Variants in TECR observed in about 807,000 individuals in gnomAD.
The protein encoded by TECR is very-long-chain enoyl-CoA reductase.
In TECR, 19 loss-of-function variants were observed where a neutral mutation model predicts 50.6. The observed-to-expected ratio is 0.38, with a 90% CI of 0.26 to 0.55. The LOEUF (loss-of-function observed/expected upper bound fraction) is 0.55, where lower values mean the gene tolerates loss of function less well. Among genes scored for constraint, TECR ranks in the 20% least tolerant of loss-of-function variants. TECR has a pLI of 0.79. For synonymous variants in TECR, 168 were observed against 163.5 expected (o/e 1.03, Z -0.21); for missense variants, 313 against 408.3 (o/e 0.77, Z 2.01).
chr19:14,538,756 C>T (rs1431508140), intron 1 of TECR, among the ~76,000 whole-genome samples: 2 of 151,824 alleles, frequency 1.3e-5, no homozygotes, highest in African/African-American at 2.4e-5. Context: ...TGGTCTTGAA[C>T]TCCTGACCTC....
At chr19:14,555,748 A>C (rs1359610307) in intron 1 of TECR, among the ~76,000 whole-genome samples, 1 of 151,998 alleles carries the variant, frequency 6.6e-6, no homozygotes, top group East Asian at 1.9e-4. Context: ...GACACAGCTA[A>C]TTTTTATAAA....
rs1241267333 is a variant in TECR, at chr19:14,563,431, C to T, written c.118+174C>T. 7 of 814,466 alleles carry T rather than the reference C, an allele frequency of 8.6e-6. No individual in the cohort carries two copies. Among genetic ancestry groups the T allele is most frequent in the South Asian group, 6.2e-5 (4 of 64,748 alleles). 50.5% of individuals were successfully genotyped at this position (814,466 alleles called of 1,614,324 possible). A position where few individuals can be genotyped will look rare whatever the true frequency, so the allele number is the denominator to read the frequency against. On this transcript the variant is annotated intron_variant, in intron 3 of 12. Coordinates refer to ENST00000215567, the MANE Select transcript of TECR (RefSeq NM_138501.6). This position sits in a 1 kb window ranked among gnomAD's most constrained non-coding sequence, Gnocchi z 5.3. ...GCCTCCACGTGGCACTCCGCAGGAA[C>T]GCCCTTGCTAGGCTCTGGGAAGGAC...
rs1169742953 is a variant in TECR at position 14,543,419 on chromosome 19, ATTTTTTTTTTTTTTTTTTTTTTTTT to A, written c.15+13721_15+13745del. Among the ~76,000 whole-genome samples, 55 of 21,888 alleles carry A rather than the reference ATTTTTTTTTTTTTTTTTTTTTTTTT, an allele frequency of 2.5e-3. 1 individual carries two copies. The South Asian group carries it at 0.037, about 15-fold the overall frequency. The allele number at this position is 21,888 out of a possible 152,430, so 14.4% of individuals were successfully genotyped here. A position where few individuals can be genotyped will look rare whatever the true frequency, so the allele number is the denominator to read the frequency against. ...TATATATATATATATATATATATAT[ATTTTTTTTTTTTTTTTTTTTTTTTT>A]TTTTTTTTTTTTGAGACGGAGTCTC... On this transcript the variant is annotated intron_variant, in intron 1 of 12. Coordinates refer to ENST00000215567, the MANE Select transcript of TECR (RefSeq NM_138501.6).
intron 1 of TECR, chr19:14,530,138 C>T (rs765383436): frequency 2.2e-5 from 5 of 226,552 alleles, no homozygotes; most frequent in Non-Finnish European, 4.6e-5. Context: ...TTGTGTACGA[C>T]CTTTGGACCC....
chr19:14,555,297 G>A (rs2073679965), intron 1 of TECR, among the ~76,000 whole-genome samples: 1 of 151,198 alleles, frequency 6.6e-6, no homozygotes, highest in African/African-American at 2.4e-5. Context: ...GGCCCAGGCT[G>A]GAGTGCAGTG....
intron 1 of TECR, 24 bp from the exon 2 acceptor site, chr19:14,562,501 A>G (rs770618894): frequency 3.2e-5 from 51 of 1,614,006 alleles, no homozygotes; most frequent in Non-Finnish European, 4.2e-5. Context: ...CAAGAAACCT[A>G]AAAAGGCTGT....
intron 1 of TECR, among the ~76,000 whole-genome samples, chr19:14,539,215 C>T (rs1216667661): frequency 1.5e-5 from 2 of 130,848 alleles, no homozygotes; most frequent in African/African-American, 3.0e-5. Context: ...AGGATGGTCT[C>T]GATCTCCTGA....
chr19:14,559,168 A>G (rs922716333), intron 1 of TECR, among the ~76,000 whole-genome samples: 1 of 152,172 alleles, frequency 6.6e-6, no homozygotes, highest in African/African-American at 2.4e-5. Flanking sequence ...TCACCCCTTT[A>G]AACAATAATT....
intron 1 of TECR, among the ~76,000 whole-genome samples, chr19:14,561,733 T>A (rs554498560): frequency 1.3e-5 from 2 of 152,264 alleles, no homozygotes; most frequent in South Asian, 4.1e-4. Flanking sequence ...TTTCCACACT[T>A]CGAGAGAGGC....
chr19:14,562,486 GT>G, intron 1 of TECR, 38 bp from the exon 2 acceptor site: 1 of 1,613,900 alleles, frequency 6.2e-7, no homozygotes, highest in Non-Finnish European at 8.5e-7. Flanking sequence ...ACCCCCAAAG[GT>G]GGCCAAGAAA....
At chr19:14,540,802 T>A (rs1402671377) in intron 1 of TECR, among the ~76,000 whole-genome samples, 1 of 152,206 alleles carries the variant, frequency 6.6e-6, no homozygotes, top group Non-Finnish European at 1.5e-5. Flanking sequence ...TAGCTGGGAC[T>A]GCAGGTGTGT....
At chr19:14,550,684 GGTTT>G (rs566077927) in intron 1 of TECR, among the ~76,000 whole-genome samples, 305 of 152,138 alleles carry the variant, frequency 2.0e-3, no homozygotes, top group Non-Finnish European at 3.5e-3. Flanking sequence ...TCAGTTTTTT[GGTTT>G]GTTTGTTTTT....
At chr19:14,529,822 G>C (rs977329964) in intron 1 of TECR, 111 bp downstream of exon 1, 5 of 1,513,052 alleles carry the variant, frequency 3.3e-6, no homozygotes, top group Non-Finnish European at 4.6e-6. Context: ...GGAAGAGCCA[G>C]ACGGCGCAGG....
At chr19:14,551,835 CTTTTG>C (rs1056560941) in intron 1 of TECR, among the ~76,000 whole-genome samples, 2 of 151,484 alleles carry the variant, frequency 1.3e-5, no homozygotes, top group Non-Finnish European at 2.9e-5. Context: ...TTTTGTTTTT[CTTTTG>C]TTTGGTTTTA....
chr19:14,546,969 A>G (rs2073329744), intron 1 of TECR, among the ~76,000 whole-genome samples: 2 of 152,216 alleles, frequency 1.3e-5, no homozygotes, highest in African/African-American at 4.8e-5. Context: ...TGCTGGGATT[A>G]CAGGCATGAG....
At chr19:14,560,878 C>T (rs768360340) in intron 1 of TECR, among the ~76,000 whole-genome samples, 7 of 152,170 alleles carry the variant, frequency 4.6e-5, no homozygotes, top group Non-Finnish European at 1.0e-4. Context: ...CATGGGGTGC[C>T]TCCCATCTGT....
At chr19:14,540,647 C>G (rs1010902433) in intron 1 of TECR, among the ~76,000 whole-genome samples, 2 of 152,132 alleles carry the variant, frequency 1.3e-5, no homozygotes. Flanking sequence ...CTGCCTGGGC[C>G]TCCCAAAGTG....
At chr19:14,535,779 G>GAAA (rs1555729629) in intron 1 of TECR, among the ~76,000 whole-genome samples, 3 of 114,362 alleles carry the variant, frequency 2.6e-5, no homozygotes, top group Non-Finnish European at 3.9e-5. Flanking sequence ...AAAAAAAAAG[G>GAAA]GAAAGTGGTG....
chr19:14,530,048 C>T (rs2072565739), intron 1 of TECR: 1 of 447,132 alleles, frequency 2.2e-6, no homozygotes, highest in Non-Finnish European at 4.1e-6. Flanking sequence ...GACCCTTGCT[C>T]CCAATCCGAG....
Sources: gnomAD v4.1 joint callset for allele counts (sites outside exome capture counted in the v4.1 genomes callset) on GRCh38, gnomAD v4.1.1 for gene constraint, Gnocchi (gnomAD v3.1) non-coding constraint, MANE v1.5 for transcripts, NCBI Gene and HGNC (gene_info 2026-07-23, HGNC 2026-07-21) for gene names.